WWC2: variants seen among roughly 807,000 people sequenced by gnomAD.
WWC2 encodes WW and C2 domain containing 2.
Under a neutral mutation model 138.5 loss-of-function variants are expected in WWC2, and 101 were observed. The observed-to-expected ratio is 0.73, with a 90% CI of 0.62 to 0.86. WWC2 has a LOEUF of 0.86. WWC2 is among the 40% of genes least tolerant of loss of function. The probability of loss-of-function intolerance (pLI) is 0.00; values close to 1 mark genes in which losing one functional copy is unlikely to be tolerated. For missense variants in WWC2, 1,420 were observed against 1,419.4 expected, an observed-to-expected ratio of 1.00 and a Z score of -0.01; for synonymous variants, 558 against 538.4, an observed-to-expected ratio of 1.04 and a Z score of -0.50.
chr4:183,186,913 A>G (rs1046599394), intron 1 of WWC2, among the ~76,000 whole-genome samples: 1 of 152,218 alleles, frequency 6.6e-6, no homozygotes, highest in African/African-American at 2.4e-5. Context: ...AGGTGCAGAC[A>G]TAACATGAAC....
intron 9 of WWC2, among the ~76,000 whole-genome samples, chr4:183,258,552 A>G (rs1011398734): frequency 1.3e-5 from 2 of 152,210 alleles, no homozygotes; most frequent in African/African-American, 4.8e-5. Flanking sequence ...GCTAGTTTTT[A>G]TATCACCACT....
chr4:183,146,757 G>T (rs529599077), intron 1 of WWC2, among the ~76,000 whole-genome samples: 1 of 152,314 alleles, frequency 6.6e-6, no homozygotes, highest in South Asian at 2.1e-4. Context: ...CTGCCAGGAA[G>T]GTTAGAAACC....
intron 4 of WWC2, among the ~76,000 whole-genome samples, chr4:183,231,418 T>C (rs1021942710): frequency 1.3e-5 from 2 of 150,076 alleles, no homozygotes; most frequent in Non-Finnish European, 3.0e-5. Context: ...TACAGGCGGG[T>C]ACCACCACAC....
At chr4:183,307,154 A>G (rs185227662) in intron 21 of WWC2, among the ~76,000 whole-genome samples, 2 of 152,354 alleles carry the variant, frequency 1.3e-5, no homozygotes, top group Non-Finnish European at 2.9e-5. Context: ...ACCACAGTGG[A>G]ATTAAACTAG....
chr4:183,101,855 C>T (rs906445832), intron 1 of WWC2, among the ~76,000 whole-genome samples: 1 of 152,176 alleles, frequency 6.6e-6, no homozygotes, highest in Non-Finnish European at 1.5e-5. Context: ...ACTGTTTAAG[C>T]CATTTAATTA....
At chr4:183,188,489 C>T (rs1057106728) in intron 1 of WWC2, among the ~76,000 whole-genome samples, 15 of 152,090 alleles carry the variant, frequency 9.9e-5, no homozygotes, top group Admixed American at 3.9e-4. Context: ...CTGCCTGTCT[C>T]AGCATCCCAA....
At chr4:183,176,454 ACT>A (rs1182851879) in intron 1 of WWC2, among the ~76,000 whole-genome samples, 7 of 151,908 alleles carry the variant, frequency 4.6e-5, no homozygotes, top group African/African-American at 1.7e-4. Context: ...ACGCAGTATC[ACT>A]CTGTCACTCA....
At chr4:183,133,175 G>T (rs777488590) in intron 1 of WWC2, among the ~76,000 whole-genome samples, 7 of 111,638 alleles carry the variant, frequency 6.3e-5, no homozygotes, top group Non-Finnish European at 1.0e-4. Context: ...TTTTGACCAG[G>T]TCTTGCTCTG....
chr4:183,281,329 C>T, intron 17 of WWC2: 1 of 178,640 alleles, frequency 5.6e-6, no homozygotes, highest in Non-Finnish European at 1.2e-5. Context: ...TTCTCTGTTA[C>T]CACTCTTACC....
At chr4:183,138,999 A>G (rs1009177364) in intron 1 of WWC2, among the ~76,000 whole-genome samples, 14 of 152,204 alleles carry the variant, frequency 9.2e-5, no homozygotes, top group South Asian at 4.1e-4. Context: ...ATTCTAGTCA[A>G]ACTTACAGAA....
intron 1 of WWC2, among the ~76,000 whole-genome samples, chr4:183,111,014 C>T (rs1156634186): frequency 4.0e-5 from 6 of 151,886 alleles, no homozygotes; most frequent in East Asian, 1.9e-4. Context: ...CTGAGGCGGG[C>T]GGATCACGAG....
At chr4:183,243,736 A>ACT (rs1736683129) in intron 5 of WWC2, among the ~76,000 whole-genome samples, 1 of 115,212 alleles carries the variant, frequency 8.7e-6, no homozygotes, top group African/African-American at 3.4e-5. Context: ...CATTCTAAAC[A>ACT]CTGTGTGTGT....
rs1189143361 is a variant in WWC2 at position 183,318,158 on chromosome 4, C to T, written c.*2429C>T. Reference sequence around the variant, plus strand: ...TAAAAAGAATGTAATATTTAGTTCTCAAGTTTGAATTATCAGTATATTATT... The same window carrying T: ...TAAAAAGAATGTAATATTTAGTTCTTAAGTTTGAATTATCAGTATATTATT... On this transcript the variant is annotated 3_prime_UTR_variant, in exon 23 of 23. Transcript: ENST00000403733. The T allele has an allele frequency of 6.6e-6, 1 of 152,398 alleles. No homozygotes were observed. Among genetic ancestry groups the T allele is most frequent in the Admixed American group, 6.5e-5 (1 of 15,268 alleles). The allele number at this position is 152,398 out of a possible 1,614,324, so 9.4% of individuals were successfully genotyped here.
At chr4:183,135,476 G>T (rs560742604) in intron 1 of WWC2, among the ~76,000 whole-genome samples, 1 of 151,734 alleles carries the variant, frequency 6.6e-6, no homozygotes, top group Non-Finnish European at 1.5e-5. Flanking sequence ...TTTAGGACAA[G>T]TCGAGAACCT....
chr4:183,309,116 G>A (rs569757126), intron 21 of WWC2, among the ~76,000 whole-genome samples: 2 of 152,274 alleles, frequency 1.3e-5, no homozygotes, highest in African/African-American at 4.8e-5. Flanking sequence ...AATGTAGAAT[G>A]TAAACTATAA....
At chr4:183,155,978 T>C (rs879732718) in intron 1 of WWC2, among the ~76,000 whole-genome samples, 14 of 152,170 alleles carry the variant, frequency 9.2e-5, no homozygotes, top group African/African-American at 3.4e-4. Context: ...GATGTGATGA[T>C]GTCACTTGTG....
At chr4:183,262,118 C>T (rs1737348875) in intron 11 of WWC2, among the ~76,000 whole-genome samples, 1 of 152,166 alleles carries the variant, frequency 6.6e-6, no homozygotes, top group South Asian at 2.1e-4. Flanking sequence ...GATTGTAGTT[C>T]TTAGGCCTGC....
intron 1 of WWC2, among the ~76,000 whole-genome samples, chr4:183,177,692 A>T (rs1734505122): frequency 6.6e-6 from 1 of 152,192 alleles, no homozygotes; most frequent in Admixed American, 6.5e-5. Context: ...GAACATGGGC[A>T]TATATTTTTT....
intron 22 of WWC2, among the ~76,000 whole-genome samples, chr4:183,313,902 A>G (rs1352467065): frequency 6.6e-6 from 1 of 150,508 alleles, no homozygotes; most frequent in Non-Finnish European, 1.5e-5. Context: ...CTCAGCAAAA[A>G]GGTTTGTTCC....
Sources: allele counts gnomAD v4.1 joint callset (sites outside exome capture counted in the v4.1 genomes callset), GRCh38; gene constraint gnomAD v4.1.1; transcripts MANE v1.5; gene names NCBI Gene and HGNC (gene_info 2026-07-23, HGNC 2026-07-21).